The following SCARA3 variants were observed in gnomAD, a reference collection of about 807,000 sequenced individuals.
SCARA3 encodes scavenger receptor class A member 3.
SCARA3 carries 39 observed loss-of-function variants against 47.0 expected under a neutral mutation model. The observed-to-expected ratio is 0.83, with a 90% CI of 0.64 to 1.08. SCARA3 has a LOEUF of 1.08. Ranked by LOEUF, SCARA3 falls within the 50% of genes least tolerant of loss-of-function variation. The pLI is 0.00. For synonymous variants in SCARA3, 356 were observed against 334.1 expected (o/e 1.07, Z -0.71); for missense variants, 724 against 792.3 (o/e 0.91, Z 1.04).
At chr8:27,732,508 T>G in the SCARA3 span, among the ~76,000 whole-genome samples, 2 of 152,174 alleles carry the variant, frequency 1.3e-5, no homozygotes, top group Admixed American at 6.5e-5. Flanking sequence ...GCAATCAATT[T>G]AAGACAGAAA....
rs1349666111 is a variant in SCARA3, at chr8:27,672,124, C to A, written c.*773C>A. On this transcript the variant is annotated 3_prime_UTR_variant, in exon 6 of 6. Transcript: ENST00000301904. ...TCCCCATAAGCAGGGGACCAGCATA[C>A]CCGGGAGCTGTCCCTGTCTGTCACA... The A allele has an allele frequency of 1.0e-6, 1 of 985,330 alleles. No homozygotes were observed. Among genetic ancestry groups the A allele is most frequent in the East Asian group, 1.1e-4 (1 of 8,818 alleles). 61.0% of individuals were successfully genotyped at this position (985,330 alleles called of 1,614,324 possible). A position where few individuals can be genotyped will look rare whatever the true frequency, so the allele number is the denominator to read the frequency against.
intron 1 of SCARA3, among the ~76,000 whole-genome samples, chr8:27,639,042 T>C (rs1801323706): frequency 6.6e-6 from 1 of 152,158 alleles, no homozygotes; most frequent in Non-Finnish European, 1.5e-5. Flanking sequence ...CACAGCTGTA[T>C]TTCCATCGGT....
intron 1 of SCARA3, among the ~76,000 whole-genome samples, chr8:27,648,002 G>C (rs1361511917): frequency 3.3e-5 from 5 of 152,268 alleles, no homozygotes. Context: ...AGGAGCCCCC[G>C]AGGCTCCGCA....
At chr8:27,731,492 A>T in the SCARA3 span, among the ~76,000 whole-genome samples, 2 of 151,944 alleles carry the variant, frequency 1.3e-5, no homozygotes, top group Non-Finnish European at 2.9e-5. Flanking sequence ...TACTAAAAAT[A>T]AAAAAATTAG....
In SCARA3 at chr8:27,671,399, A is replaced by G; in HGVS notation, c.*48A>G. ...GTCACACAGAATGCCGGAGGGGCGC[A>G]GAGCAGATCCAGGCCCCAGAAAGCC... is the stretch of plus-strand genomic sequence containing the variant. On this transcript the variant is annotated 3_prime_UTR_variant, in exon 6 of 6. Coordinates refer to ENST00000301904, the MANE Select transcript of SCARA3 (RefSeq NM_016240.3). 1 of 1,368,572 alleles carries G rather than the reference A, an allele frequency of 7.3e-7. No homozygotes were observed. The highest frequency in any genetic ancestry group is 9.4e-7 in the Non-Finnish European group (1 of 1,066,474). 84.8% of individuals were successfully genotyped at this position (1,368,572 alleles called of 1,614,324 possible).
chr8:27,722,506 C>T, the SCARA3 span, among the ~76,000 whole-genome samples: 1 of 152,180 alleles, frequency 6.6e-6, no homozygotes, highest in Non-Finnish European at 1.5e-5. Flanking sequence ...TCCAAACCCT[C>T]GTGCCTCCAT....
intron 1 of SCARA3, among the ~76,000 whole-genome samples, chr8:27,649,327 C>A (rs1410577230): frequency 6.6e-6 from 1 of 152,196 alleles, no homozygotes; most frequent in African/African-American, 2.4e-5. Flanking sequence ...AAGAGGAATT[C>A]TGCTTCGGTG....
the SCARA3 span, among the ~76,000 whole-genome samples, chr8:27,707,331 T>C: frequency 6.6e-6 from 1 of 152,190 alleles, no homozygotes; most frequent in Admixed American, 6.5e-5. Context: ...TACACAGACC[T>C]TCCAATCAAC....
At chr8:27,686,790 C>T in the SCARA3 span, among the ~76,000 whole-genome samples, 1 of 152,102 alleles carries the variant, frequency 6.6e-6, no homozygotes, top group Non-Finnish European at 1.5e-5. Context: ...TTCTGTTTAT[C>T]TTCAACTTTT....
intron 3 of SCARA3, among the ~76,000 whole-genome samples, chr8:27,652,346 G>C (rs1019588319): frequency 2.0e-5 from 3 of 152,216 alleles, no homozygotes; most frequent in Non-Finnish European, 4.4e-5. Flanking sequence ...CAAATTTGAT[G>C]TTTGTAATCC....
At chr8:27,683,129 A>C in the SCARA3 span, among the ~76,000 whole-genome samples, 5 of 152,206 alleles carry the variant, frequency 3.3e-5, no homozygotes, top group Admixed American at 2.0e-4. Flanking sequence ...AGACACAAAA[A>C]TATGGATGAA....
At chr8:27,643,852 C>T (rs1047213422) in intron 1 of SCARA3, among the ~76,000 whole-genome samples, 10 of 152,114 alleles carry the variant, frequency 6.6e-5, no homozygotes, top group East Asian at 1.9e-4. Context: ...CCCAGAAAGG[C>T]GAAAGAGGGA....
chr8:27,670,694 G>A (rs1464855379), intron 5 of SCARA3, among the ~76,000 whole-genome samples: 2 of 151,986 alleles, frequency 1.3e-5, no homozygotes, highest in African/African-American at 4.8e-5. Flanking sequence ...CTCAGTGTGT[G>A]TGCGGAGCTT....
At chr8:27,659,876 AAGAGAG>A (rs60317551) in intron 5 of SCARA3, among the ~76,000 whole-genome samples, 5 of 90,652 alleles carry the variant, frequency 5.5e-5, no homozygotes, top group African/African-American at 1.3e-4. Context: ...AAAAAAAAAA[AAGAGAG>A]AGAGAGAGAA....
chr8:27,701,122 C>G, the SCARA3 span: 2 of 151,564 alleles, frequency 1.3e-5, no homozygotes, highest in Admixed American at 6.6e-5. Context: ...GATATGCAAA[C>G]CAACTTGGAT....
intron 3 of SCARA3, among the ~76,000 whole-genome samples, chr8:27,655,162 C>T (rs1248608131): frequency 3.3e-5 from 5 of 152,138 alleles, no homozygotes; most frequent in Non-Finnish European, 7.3e-5. Context: ...AATTTTGGTG[C>T]TGATGAGAGC....
chr8:27,668,457 G>A (rs963374712), intron 5 of SCARA3, among the ~76,000 whole-genome samples: 5 of 148,214 alleles, frequency 3.4e-5, no homozygotes, highest in Admixed American at 6.8e-5. Context: ...GGAGAATGGC[G>A]TGAACCCGGG....
At chr8:27,638,122 C>T (rs1801295797) in intron 1 of SCARA3, among the ~76,000 whole-genome samples, 1 of 152,150 alleles carries the variant, frequency 6.6e-6, no homozygotes, top group Non-Finnish European at 1.5e-5. Context: ...ACTGAAGACT[C>T]AGGTCCCAAG....
At chr8:27,644,693 G>C (rs1339856638) in intron 1 of SCARA3, among the ~76,000 whole-genome samples, 1 of 151,002 alleles carries the variant, frequency 6.6e-6, no homozygotes, top group Non-Finnish European at 1.5e-5. Flanking sequence ...TCCTATAAAC[G>C]GAGTCTCTCT....
Sources: allele counts gnomAD v4.1 joint callset (sites outside exome capture counted in the v4.1 genomes callset), GRCh38; gene constraint gnomAD v4.1.1; transcripts MANE v1.5; gene names NCBI Gene and HGNC (gene_info 2026-07-23, HGNC 2026-07-21).